Variants in CLNK observed in about 807,000 individuals in gnomAD.
The protein encoded by CLNK is cytokine dependent hematopoietic cell linker.
Under a neutral mutation model 68.6 loss-of-function variants are expected in CLNK, and 74 were observed. That is an observed-to-expected ratio of 1.08 (90% CI 0.89 to 1.31). The LOEUF (loss-of-function observed/expected upper bound fraction) is 1.31, where lower values mean the gene tolerates loss of function less well. Among genes scored for constraint, CLNK ranks in the 50% most tolerant of loss-of-function variants. The probability of loss-of-function intolerance (pLI) is 0.00; values close to 1 mark genes in which losing one functional copy is unlikely to be tolerated. For synonymous variants in CLNK, 198 were observed against 172.2 expected, an observed-to-expected ratio of 1.15 and a Z score of -1.17; for missense variants, 553 against 515.3, an observed-to-expected ratio of 1.07 and a Z score of -0.71.
chr4:10,551,031 T>C lies in CLNK; in HGVS notation c.445+7376A>G, dbSNP rs139351597. Reference sequence around the variant, plus strand: ...ACACTGGACAAAGAAATGATTCGAGTGAGACTGCTCAGGATTTCATCGTGC... The same window carrying C: ...ACACTGGACAAAGAAATGATTCGAGCGAGACTGCTCAGGATTTCATCGTGC... On this transcript the variant is annotated intron_variant, in intron 8 of 18. Transcript: ENST00000226951. 2.5e-4 allele frequency among the ~76,000 whole-genome samples: 38 copies of C among 152,200 alleles called. 1 individual carries two copies. In the East Asian group the frequency reaches 6.9e-3, roughly 28 times the overall value.
the CLNK span, among the ~76,000 whole-genome samples, chr4:10,711,401 A>G: frequency 6.6e-6 from 1 of 152,218 alleles, no homozygotes; most frequent in Non-Finnish European, 1.5e-5. Context: ...GAGTCACAGA[A>G]CATTCTCTTC....
chr4:10,584,669 A>C (rs1205889734), intron 4 of CLNK, among the ~76,000 whole-genome samples: 3 of 152,156 alleles, frequency 2.0e-5, no homozygotes, highest in Non-Finnish European at 2.9e-5. Flanking sequence ...CAGGCTCAGA[A>C]AGATCTGTGC....
chr4:10,590,454 T>C (rs1445161576), intron 3 of CLNK, among the ~76,000 whole-genome samples: 1 of 152,168 alleles, frequency 6.6e-6, no homozygotes, highest in Non-Finnish European at 1.5e-5. Context: ...GGCATGGAGA[T>C]GAATCTTTCT....
At chr4:10,670,641 T>C (rs1048028208) in intron 1 of CLNK, among the ~76,000 whole-genome samples, 1 of 152,172 alleles carries the variant, frequency 6.6e-6, no homozygotes, top group Non-Finnish European at 1.5e-5. Flanking sequence ...CTTTCGTTTC[T>C]TCACCTGAAA....
intron 11 of CLNK, among the ~76,000 whole-genome samples, chr4:10,538,694 A>G (rs1718898377): frequency 6.6e-6 from 1 of 152,174 alleles, no homozygotes; most frequent in African/African-American, 2.4e-5. Context: ...GGAAATTTAT[A>G]TTTATCCATC....
chr4:10,682,302 C>G (rs761482023), intron 1 of CLNK, among the ~76,000 whole-genome samples: 2 of 152,124 alleles, frequency 1.3e-5, no homozygotes, highest in African/African-American at 2.4e-5. Context: ...GCTTTGAACA[C>G]TTTATGTTTC....
At chr4:10,574,919 G>A (rs1257765406) in intron 4 of CLNK, among the ~76,000 whole-genome samples, 1 of 152,074 alleles carries the variant, frequency 6.6e-6, no homozygotes, top group Non-Finnish European at 1.5e-5. Flanking sequence ...ACCCTCTCAC[G>A]CGGACCCCCT....
At chr4:10,667,445 G>A (rs1428327926) in intron 2 of CLNK, among the ~76,000 whole-genome samples, 3 of 141,604 alleles carry the variant, frequency 2.1e-5, no homozygotes, top group Admixed American at 7.5e-5. Context: ...CACAAATTTC[G>A]GTGTCTCAGA....
the CLNK span, among the ~76,000 whole-genome samples, chr4:10,699,214 C>T: frequency 7.0e-6 from 1 of 142,054 alleles, no homozygotes; most frequent in Non-Finnish European, 1.6e-5. Context: ...CACACATACA[C>T]ACCACATATG....
the CLNK span, among the ~76,000 whole-genome samples, chr4:10,728,265 A>C: frequency 2.0e-5 from 3 of 152,222 alleles, no homozygotes; most frequent in East Asian, 5.8e-4. Context: ...TTGTCTCCCC[A>C]AAAACAATAT....
intron 2 of CLNK, among the ~76,000 whole-genome samples, chr4:10,630,082 T>G (rs2531206): frequency 6.6e-6 from 1 of 152,172 alleles, no homozygotes; most frequent in Non-Finnish European, 1.5e-5. Flanking sequence ...TGAAGGGATA[T>G]AACAGAGGAT....
intron 4 of CLNK, among the ~76,000 whole-genome samples, chr4:10,583,411 C>T (rs1720859058): frequency 6.6e-6 from 1 of 152,104 alleles, no homozygotes; most frequent in South Asian, 2.1e-4. Flanking sequence ...CTCAGCCTCC[C>T]AAGTAGCTGG....
At chr4:10,510,537 C>G (rs1288687843) in intron 16 of CLNK, among the ~76,000 whole-genome samples, 1 of 152,224 alleles carries the variant, frequency 6.6e-6, no homozygotes, top group Non-Finnish European at 1.5e-5. Flanking sequence ...TGCCAGGGCA[C>G]TGTTAACATT....
the CLNK span, among the ~76,000 whole-genome samples, chr4:10,690,466 T>G: frequency 2.0e-5 from 3 of 152,168 alleles, no homozygotes; most frequent in Non-Finnish European, 4.4e-5. Context: ...AAGAGCTGTT[T>G]TTGAAAATCT....
At chr4:10,692,132 A>G in the CLNK span, 1 of 152,052 alleles carries the variant, frequency 6.6e-6, no homozygotes, top group Non-Finnish European at 1.5e-5. Context: ...AATAGCTGGT[A>G]TAAATAGAGT....
At chr4:10,641,634 A>T (rs1202460154) in intron 2 of CLNK, among the ~76,000 whole-genome samples, 1 of 152,252 alleles carries the variant, frequency 6.6e-6, no homozygotes, top group Non-Finnish European at 1.5e-5. Context: ...TTCTGAATGA[A>T]TAAGTGAGTA....
At chr4:10,654,405 A>ATATATATATATATATAT (rs1367370247) in intron 2 of CLNK, among the ~76,000 whole-genome samples, 33 of 117,008 alleles carry the variant, frequency 2.8e-4, no homozygotes, top group South Asian at 8.3e-4. Context: ...ATATATATAG[A>ATATATATATATATATAT]AAGTCTCTTG....
At chr4:10,516,533 T>C (rs997129160) in intron 15 of CLNK, among the ~76,000 whole-genome samples, 1 of 148,994 alleles carries the variant, frequency 6.7e-6, no homozygotes, top group African/African-American at 2.5e-5. Context: ...TTTATTCTAA[T>C]GAGACCAAGG....
chr4:10,607,275 G>A (rs915998915), intron 2 of CLNK, among the ~76,000 whole-genome samples: 7 of 152,290 alleles, frequency 4.6e-5, no homozygotes, highest in African/African-American at 9.6e-5. Flanking sequence ...GTAGGTTGCC[G>A]TTGCCCCACT....
Sources: allele counts gnomAD v4.1 joint callset (sites outside exome capture counted in the v4.1 genomes callset), GRCh38; gene constraint gnomAD v4.1.1; transcripts MANE v1.5; gene names NCBI Gene and HGNC (gene_info 2026-07-23, HGNC 2026-07-21).